SHISA9: variants seen among roughly 807,000 people sequenced by gnomAD.
The protein encoded by SHISA9 is shisa family member 9.
SHISA9 carries 13 observed loss-of-function variants against 38.0 expected under a neutral mutation model. The observed-to-expected ratio is 0.34, with a 90% confidence interval of 0.22 to 0.54. SHISA9 has a LOEUF of 0.54. SHISA9 is among the 20% of genes least tolerant of loss of function. The pLI, the probability that SHISA9 is intolerant of heterozygous loss-of-function variation, is 0.91. For missense variants in SHISA9, 538 were observed against 575.8 expected (o/e 0.93, Z 0.67); for synonymous variants, 275 against 242.0 (o/e 1.14, Z -1.27).
chr16:13,500,253 G>C, the SHISA9 span, among the ~76,000 whole-genome samples: 14 of 152,130 alleles, frequency 9.2e-5, no homozygotes, highest in African/African-American at 3.1e-4. Flanking sequence ...GACGGTCCAA[G>C]CTTGCTTTCC....
At chr16:12,910,777 T>C in intron 1 of SHISA9, 1 of 965,240 alleles carries the variant, frequency 1.0e-6, no homozygotes, top group Non-Finnish European at 1.2e-6. Context: ...ACAAAGAGAT[T>C]CATTATAAGG....
At chr16:13,490,482 T>G in the SHISA9 span, among the ~76,000 whole-genome samples, 5 of 152,170 alleles carry the variant, frequency 3.3e-5, no homozygotes, top group Non-Finnish European at 5.9e-5. Flanking sequence ...GGAAGATCAC[T>G]TGAGCCCGTG....
chr16:13,245,506 AT>A, the SHISA9 span, among the ~76,000 whole-genome samples: 1 of 152,240 alleles, frequency 6.6e-6, no homozygotes, highest in Non-Finnish European at 1.5e-5. Context: ...CAGTAGCTTA[AT>A]GCTTAACACC....
chr16:13,305,128 C>T, the SHISA9 span, among the ~76,000 whole-genome samples: 2 of 152,212 alleles, frequency 1.3e-5, no homozygotes, highest in East Asian at 1.9e-4. Context: ...CGTCTGAACA[C>T]GAAATTCATT....
intron 2 of SHISA9, among the ~76,000 whole-genome samples, chr16:13,188,410 G>A (rs555152590): frequency 1.4e-4 from 21 of 152,216 alleles, no homozygotes; most frequent in South Asian, 8.3e-4. Flanking sequence ...ATGGACATCC[G>A]TCCTGACCTC....
chr16:13,355,723 G>A, the SHISA9 span, among the ~76,000 whole-genome samples: 311 of 151,786 alleles, frequency 2.0e-3, 2 homozygotes, highest in East Asian at 0.039. Flanking sequence ...GGTAGCCTCC[G>A]TATTGATTAA....
intron 2 of SHISA9, among the ~76,000 whole-genome samples, chr16:13,102,990 CA>C (rs2073893885): frequency 1.3e-5 from 2 of 152,180 alleles, no homozygotes; most frequent in Admixed American, 1.3e-4. Flanking sequence ...CTTATCCTTT[CA>C]AAAACTTTTG....
chr16:13,033,830 A>T (rs1263423273), intron 2 of SHISA9, among the ~76,000 whole-genome samples: 1 of 152,196 alleles, frequency 6.6e-6, no homozygotes, highest in African/African-American at 2.4e-5. Flanking sequence ...CATGATTGGA[A>T]AAATGAAAGA....
At chr16:12,955,286 C>T (rs557544008) in intron 2 of SHISA9, among the ~76,000 whole-genome samples, 1 of 152,124 alleles carries the variant, frequency 6.6e-6, no homozygotes, top group South Asian at 2.1e-4. Flanking sequence ...ATTGCTTCCT[C>T]ATTTTCTTGC....
the SHISA9 span, among the ~76,000 whole-genome samples, chr16:13,372,556 G>T: frequency 2.0e-3 from 303 of 152,302 alleles, 1 homozygote; most frequent in African/African-American, 6.9e-3. Context: ...CAGGGATGTG[G>T]GCCGCATTGC....
the SHISA9 span, among the ~76,000 whole-genome samples, chr16:13,423,634 C>A: frequency 1.1e-4 from 16 of 152,258 alleles, no homozygotes; most frequent in Admixed American, 9.8e-4. Context: ...TAACAACACC[C>A]ACTCACAGTT....
chr16:13,171,572 C>G (rs1163281447), intron 2 of SHISA9, among the ~76,000 whole-genome samples: 1 of 151,962 alleles, frequency 6.6e-6, no homozygotes, highest in Non-Finnish European at 1.5e-5. Context: ...GGGGGTGCTT[C>G]CAGCAGAGGA....
the SHISA9 span, among the ~76,000 whole-genome samples, chr16:13,444,798 C>CTCTTCCCTCCA: frequency 1.7e-4 from 25 of 148,176 alleles, no homozygotes; most frequent in African/African-American, 5.5e-4. Flanking sequence ...TCTTCCCTCC[C>CTCTTCCCTCCA]TCTTCCCTCC....
At chr16:13,229,266 G>C (rs975178527) in intron 4 of SHISA9, among the ~76,000 whole-genome samples, 1 of 152,232 alleles carries the variant, frequency 6.6e-6, no homozygotes, top group African/African-American at 2.4e-5. Context: ...TAGTGAGTGA[G>C]ACGGATGATA....
At chr16:13,226,291 G>C (rs1298802144) in intron 4 of SHISA9, among the ~76,000 whole-genome samples, 1 of 152,164 alleles carries the variant, frequency 6.6e-6, no homozygotes, top group African/African-American at 2.4e-5. Context: ...CCTTGTTGTT[G>C]AAATAATCTT....
At chr16:13,332,227 T>C in the SHISA9 span, among the ~76,000 whole-genome samples, 1 of 152,194 alleles carries the variant, frequency 6.6e-6, no homozygotes, top group African/African-American at 2.4e-5. Flanking sequence ...CTGGTTTTCC[T>C]GGAACTCAGA....
At chr16:13,231,089 C>T (rs2051327691) in intron 4 of SHISA9, among the ~76,000 whole-genome samples, 1 of 152,196 alleles carries the variant, frequency 6.6e-6, no homozygotes, top group South Asian at 2.1e-4. Flanking sequence ...TAGGTGTCAA[C>T]CTCATTTTAC....
chr16:13,085,407 A>G (rs962110838), intron 2 of SHISA9, among the ~76,000 whole-genome samples: 8 of 152,166 alleles, frequency 5.3e-5, no homozygotes, highest in Non-Finnish European at 7.3e-5. Context: ...GCTTGTGTTG[A>G]TAAAAGCCGA....
the SHISA9 span, among the ~76,000 whole-genome samples, chr16:13,484,671 G>A: frequency 1.3e-5 from 2 of 152,320 alleles, no homozygotes; most frequent in East Asian, 3.9e-4. Flanking sequence ...AGTGTGGCAG[G>A]TTGTACAGGA....
Sources: gnomAD v4.1 joint callset for allele counts (sites outside exome capture counted in the v4.1 genomes callset) on GRCh38, gnomAD v4.1.1 for gene constraint, MANE v1.5 for transcripts, NCBI Gene and HGNC (gene_info 2026-07-23, HGNC 2026-07-21) for gene names.